Variants in MAP3K15 observed in about 807,000 individuals in gnomAD.
MAP3K15 encodes MAPK/ERK kinase kinase 15.
A neutral mutation model predicts 99.5 loss-of-function variants in MAP3K15; 124 were observed. That is an observed-to-expected ratio of 1.25 (90% CI 1.08 to 1.45). The LOEUF (loss-of-function observed/expected upper bound fraction) is 1.45. Among genes scored for constraint, MAP3K15 ranks in the 40% most tolerant of loss-of-function variants. The pLI is 0.00. For synonymous variants in MAP3K15, 494 were observed against 439.6 expected (o/e 1.12, Z -1.55); for missense variants, 1,242 against 1,079.7 (o/e 1.15, Z -2.11).
intron 25 of MAP3K15, among the ~76,000 whole-genome samples, chrX:19,364,147 T>C (rs7059103): frequency 9.0e-6 from 1 of 111,475 alleles, no homozygotes; most frequent in East Asian, 2.8e-4. Flanking sequence ...TCTAAACCCC[T>C]GTTTTGAAGC....
At chrX:19,426,414 C>A (rs2063830479) in intron 7 of MAP3K15, 71 bp from the exon 8 acceptor site, 1 of 627,791 alleles carries the variant, frequency 1.6e-6, no homozygotes, top group Non-Finnish European at 2.2e-6. Flanking sequence ...TATAAACCAA[C>A]TTTCTCATGA....
In MAP3K15 at chrX:19,371,390, C is replaced by G. The variant is rs1237428910; in HGVS notation, c.3249G>C (p.Ser1083=). 2.5e-6 allele frequency: 3 copies of G among 1,210,713 alleles called. No homozygotes were observed. The highest frequency in any genetic ancestry group is 3.4e-6 in the Non-Finnish European group (3 of 894,859). ...KLKVDLDFDS[S]SISQIHLVLF... ...GCACCAGGTGAATCTGACTGATGGA[C>G]GAGCTGTCAAAGTCCAGGTCCACCT... The change falls in exon 23 of 29, where the codon TCG becomes TCC. Residue 1083 remains serine (S), a synonymous_variant. Transcript: ENST00000338883.
At chrX:19,406,853 C>T (rs2063651984) in intron 13 of MAP3K15, among the ~76,000 whole-genome samples, 1 of 111,985 alleles carries the variant, frequency 8.9e-6, no homozygotes, top group Admixed American at 9.5e-5. Flanking sequence ...AGGCATGCGC[C>T]ACCACACCCG....
At chrX:19,398,103 G>A in intron 15 of MAP3K15, 123 bp downstream of exon 15, 2 of 663,966 alleles carry the variant, frequency 3.0e-6, no homozygotes, top group Non-Finnish European at 4.4e-6. Flanking sequence ...TATTACAAGA[G>A]AATGACAGGT....
intron 13 of MAP3K15, among the ~76,000 whole-genome samples, chrX:19,402,105 TG>T (rs1357507680): frequency 2.8e-5 from 3 of 105,851 alleles, no homozygotes; most frequent in Non-Finnish European, 5.7e-5. Context: ...CTGGGCAACG[TG>T]GCCGAAACCC....
chrX:19,453,515 A>T (rs1309086243), intron 6 of MAP3K15, among the ~76,000 whole-genome samples: 1 of 109,770 alleles, frequency 9.1e-6, no homozygotes, highest in Admixed American at 9.8e-5. Context: ...AAAAAAAAAA[A>T]AGTAGTATAT....
chrX:19,490,658 T>A (rs1250188479), intron 1 of MAP3K15, among the ~76,000 whole-genome samples: 2 of 108,118 alleles, frequency 1.8e-5, no homozygotes, highest in Non-Finnish European at 1.9e-5. Flanking sequence ...CTAAGGTGGG[T>A]GGATGGCTGG....
At position 19,460,163 on chromosome X, in the gene MAP3K15, G is replaced by T; in HGVS notation, c.720-10C>A. The T allele has an allele frequency of 8.7e-7, 1 of 1,154,334 alleles. No homozygotes were observed. Among genetic ancestry groups the T allele is most frequent in the Non-Finnish European group, 1.2e-6 (1 of 867,862 alleles). On this transcript the variant is annotated splice_polypyrimidine_tract_variant and intron_variant, in intron 4 of 28. Transcript: ENST00000338883. ...TTCTTTGTAATAAACACTATAGAAA[G>T]AAAAACACAAAATCCTCCAGTCACA...
At position 19,431,581 on chromosome X, in the gene MAP3K15, C is replaced by T; in HGVS notation, c.1023G>A (p.Lys341=). ...GAACCTGGAGCATGATCTGCAGAGC[C>T]TTCTCACGGTCACCTGTGCTGTTTC... ...NRRNSTGDRE[K]ALQIMLQVLQ... The change falls in exon 7 of 29, where the codon AAG becomes AAA. Residue 341 remains lysine (K), a synonymous_variant. Coordinates refer to ENST00000338883, the MANE Select transcript of MAP3K15 (RefSeq NM_001001671.4). 1 of 1,198,409 alleles carries T rather than the reference C, an allele frequency of 8.3e-7. No homozygotes were observed. The highest frequency in any genetic ancestry group is 1.1e-6 in the Non-Finnish European group (1 of 894,164).
chrX:19,494,902 A>G (rs1055482457), intron 1 of MAP3K15, among the ~76,000 whole-genome samples: 1 of 110,678 alleles, frequency 9.0e-6, no homozygotes, highest in Non-Finnish European at 1.9e-5. Context: ...GCCCAGATAT[A>G]CTGGACAGAA....
intron 3 of MAP3K15, among the ~76,000 whole-genome samples, chrX:19,468,047 T>C (rs1245426634): frequency 9.0e-6 from 1 of 111,154 alleles, no homozygotes; most frequent in African/African-American, 3.3e-5. Context: ...TCCACAGCAG[T>C]GGTACAGAGC....
intron 26 of MAP3K15, 35 bp from the exon 27 acceptor site, chrX:19,361,628 A>T: frequency 1.0e-6 from 1 of 968,232 alleles, no homozygotes; most frequent in East Asian, 3.1e-5. Context: ...ATATTAGTCT[A>T]ACCATAAAAC....
chrX:19,446,735 ACAT>A (rs773889153), intron 6 of MAP3K15, among the ~76,000 whole-genome samples: 48 of 110,882 alleles, frequency 4.3e-4, no homozygotes, highest in African/African-American at 1.5e-3. Flanking sequence ...GTCTTATCAA[ACAT>A]CAACCACTGA....
chrX:19,492,983 A>G (rs973011621), intron 1 of MAP3K15, among the ~76,000 whole-genome samples: 1 of 111,218 alleles, frequency 9.0e-6, no homozygotes. Context: ...ATTTTTTTTA[A>G]AATTACATGT....
chrX:19,392,620 C>G, intron 16 of MAP3K15, 147 bp from the exon 17 acceptor site: 1 of 542,752 alleles, frequency 1.8e-6, no homozygotes, highest in Non-Finnish European at 2.9e-6. Context: ...TGTTTCCTCC[C>G]CTCTGTAGCT....
At chrX:19,506,461 C>A (rs1247626874) in intron 1 of MAP3K15, among the ~76,000 whole-genome samples, 2 of 112,285 alleles carry the variant, frequency 1.8e-5, no homozygotes, top group Non-Finnish European at 3.8e-5. Context: ...AAAGGAGTAT[C>A]ATCAGACTAG....
intron 6 of MAP3K15, among the ~76,000 whole-genome samples, chrX:19,435,414 C>T (rs759160337): frequency 9.0e-5 from 10 of 110,541 alleles, no homozygotes; most frequent in East Asian, 2.8e-4. Context: ...TTTGTAGAGA[C>T]GGGGTTTCAC....
At chrX:19,463,598 C>T in intron 4 of MAP3K15, among the ~76,000 whole-genome samples, 1 of 111,882 alleles carries the variant, frequency 8.9e-6, no homozygotes, top group Non-Finnish European at 1.9e-5. Flanking sequence ...ACTGAGGCTC[C>T]AATAGGTGAG....
chrX:19,499,985 G>A (rs2064430827), intron 1 of MAP3K15, among the ~76,000 whole-genome samples: 1 of 112,688 alleles, frequency 8.9e-6, no homozygotes, highest in Admixed American at 9.4e-5. Flanking sequence ...AGTGGCCCAC[G>A]CCTGAAATCC....
Sources: allele counts gnomAD v4.1 joint callset (sites outside exome capture counted in the v4.1 genomes callset), GRCh38; gene constraint gnomAD v4.1.1; transcripts MANE v1.5; gene names NCBI Gene and HGNC (gene_info 2026-07-23, HGNC 2026-07-21).